Variants in UHMK1 observed in about 807,000 individuals in gnomAD.
UHMK1 encodes the protein serine/threonine-protein kinase Kist.
UHMK1 carries 18 observed loss-of-function variants against 44.0 expected under a neutral mutation model. The ratio of observed to expected loss-of-function variants is 0.41; its 90% CI spans 0.28 to 0.61. The LOEUF (loss-of-function observed/expected upper bound fraction) is 0.61, where lower values mean the gene tolerates loss of function less well. UHMK1 is among the 20% of genes least tolerant of loss of function. The pLI is 0.31. For synonymous variants in UHMK1, 231 were observed against 198.5 expected, an observed-to-expected ratio of 1.16 and a Z score of -1.38; for missense variants, 463 against 522.5, an observed-to-expected ratio of 0.89 and a Z score of 1.11.
rs1422648548 is a variant in UHMK1 at position 162,524,370 on chromosome 1, C to T, written c.*1820C>T. 6.6e-6 allele frequency: 1 copy of T among 152,174 alleles called. No individual in the cohort carries two copies. Among genetic ancestry groups the T allele is most frequent in the African/African-American group, 2.4e-5 (1 of 41,440 alleles). 9.4% of individuals were successfully genotyped at this position (152,174 alleles called of 1,614,324 possible). Reference sequence around the variant, plus strand: ...TTACCAAAGGGTCTTGTGGCATGTTCCCCAATACATGCCCTTAGAAGGAAG... The same window carrying T: ...TTACCAAAGGGTCTTGTGGCATGTTTCCCAATACATGCCCTTAGAAGGAAG... On this transcript the variant is annotated 3_prime_UTR_variant, in exon 8 of 8. Coordinates refer to ENST00000489294, the MANE Select transcript of UHMK1 (RefSeq NM_175866.5).
intron 6 of UHMK1, among the ~76,000 whole-genome samples, chr1:162,513,280 C>T (rs1326102408): frequency 1.3e-5 from 2 of 152,144 alleles, no homozygotes; most frequent in East Asian, 1.9e-4. Flanking sequence ...GACTCTTTTA[C>T]GTTTCATCTT....
chr1:162,522,048 A>G (rs1430229602), intron 7 of UHMK1, among the ~76,000 whole-genome samples: 1 of 124,238 alleles, frequency 8.0e-6, no homozygotes, highest in East Asian at 2.2e-4. Flanking sequence ...TGTCTGAGCT[A>G]TTCAGCCGTA....
At chr1:162,514,197 G>A (rs1651760700) in intron 6 of UHMK1, among the ~76,000 whole-genome samples, 1 of 151,888 alleles carries the variant, frequency 6.6e-6, no homozygotes, top group Non-Finnish European at 1.5e-5. Flanking sequence ...GCTGAGGTGG[G>A]ATAATCACTT....
intron 7 of UHMK1, among the ~76,000 whole-genome samples, chr1:162,518,393 A>AT (rs869158211): frequency 3.1e-3 from 459 of 147,110 alleles, no homozygotes; most frequent in Non-Finnish European, 5.0e-3. Flanking sequence ...AGCACTTAAA[A>AT]TTTTTTTTTT....
At position 162,519,003 on chromosome 1, in the gene UHMK1, C is replaced by A. The variant is rs202064983; in HGVS notation, c.1113+813C>A. Among the ~76,000 whole-genome samples, 195 of 69,366 alleles carry A rather than the reference C, an allele frequency of 2.8e-3. 1 individual carries two copies. The highest frequency in any genetic ancestry group is 3.9e-3 in the Non-Finnish European group (91 of 23,266). The allele number at this position is 69,366 out of a possible 152,430, so 45.5% of individuals were successfully genotyped here. ...GACTCCATCTCAAAAAAAAAAAAAACTACTTTTGAGCCACTGTAAACAGTA... is the reference window on the plus strand; with the variant it reads ...GACTCCATCTCAAAAAAAAAAAAAAATACTTTTGAGCCACTGTAAACAGTA... On this transcript the variant is annotated intron_variant, in intron 7 of 7. Coordinates refer to ENST00000489294, the MANE Select transcript of UHMK1 (RefSeq NM_175866.5).
chr1:162,504,797 CAG>C (rs1367917382), intron 4 of UHMK1, among the ~76,000 whole-genome samples: 1 of 151,988 alleles, frequency 6.6e-6, no homozygotes, highest in African/African-American at 2.4e-5. Context: ...TTTTTTGAGA[CAG>C]AGTCACACTC....
chr1:162,522,383 T>G (rs773427455), intron 7 of UHMK1, 21 bp from the exon 8 acceptor site: 1 of 1,613,426 alleles, frequency 6.2e-7, no homozygotes, highest in Non-Finnish European at 8.5e-7. Context: ...ATGAAATGTT[T>G]TTTTCTCTGT....
At chr1:162,518,049 G>T in intron 6 of UHMK1, 53 bp from the exon 7 acceptor site, 1 of 1,292,740 alleles carries the variant, frequency 7.7e-7, no homozygotes, top group South Asian at 1.2e-5. Context: ...TTAAAATGTT[G>T]AATACTTGTT....
At chr1:162,502,889 G>C (rs1283946143) in intron 3 of UHMK1, among the ~76,000 whole-genome samples, 1 of 152,134 alleles carries the variant, frequency 6.6e-6, no homozygotes, top group East Asian at 1.9e-4. Flanking sequence ...ATAAAGAAAT[G>C]ATACTTTTAG....
chr1:162,517,361 A>G (rs1243676466), intron 6 of UHMK1, among the ~76,000 whole-genome samples: 1 of 152,194 alleles, frequency 6.6e-6, no homozygotes, highest in African/African-American at 2.4e-5. Flanking sequence ...GGGGTTATCT[A>G]TTGCAGTACT....
At chr1:162,515,705 T>A (rs1207657445) in intron 6 of UHMK1, among the ~76,000 whole-genome samples, 1 of 152,188 alleles carries the variant, frequency 6.6e-6, no homozygotes, top group Non-Finnish European at 1.5e-5. Context: ...CTTCATCACC[T>A]CATTCTGTCT....
At position 162,529,593 on chromosome 1, in the gene UHMK1, TA is replaced by T. The variant is rs1652373165; in HGVS notation, c.*7047del. On this transcript the variant is annotated 3_prime_UTR_variant, in exon 8 of 8. Transcript: ENST00000489294. Reference sequence around the variant, plus strand: ...TGTGTGTTTGATAAGAGTGATAAAATAAAAGCTTAAAAATAAAGGAGTTGCT... The same window carrying T: ...TGTGTGTTTGATAAGAGTGATAAAATAAAGCTTAAAAATAAAGGAGTTGCT... 1 of 152,148 alleles carries T rather than the reference TA, an allele frequency of 6.6e-6. No individual in the cohort carries two copies. The highest frequency in any genetic ancestry group is 1.5e-5 in the Non-Finnish European group (1 of 68,004). 9.4% of individuals were successfully genotyped at this position (152,148 alleles called of 1,614,324 possible).
chr1:162,508,773 G>GTT (rs35239541), intron 4 of UHMK1, among the ~76,000 whole-genome samples: 1 of 147,324 alleles, frequency 6.8e-6, no homozygotes. Context: ...TCATTTTGCA[G>GTT]TTTTTTTTTT....
chr1:162,497,332 G>C (rs1651083462), upstream of UHMK1: 1 of 700,268 alleles, frequency 1.4e-6, no homozygotes, highest in Non-Finnish European at 2.6e-6. Context: ...TCCCGTCATG[G>C]ACTGAACCAG....
chr1:162,509,632 A>G (rs1482574509), intron 4 of UHMK1, among the ~76,000 whole-genome samples: 2 of 152,070 alleles, frequency 1.3e-5, no homozygotes, highest in African/African-American at 4.8e-5. Flanking sequence ...GTTTGGCACT[A>G]TAGGTTTTTT....
Position 162,500,203 on chromosome 1 carries a change from T to G in UHMK1, c.517T>G (p.Phe173Val). The part of the protein sequence containing the change: ...NILWSAENEC[F>V]KLIDFGLSFK... The stretch of plus-strand genomic sequence containing the variant: ...ATTGTGGAGTGCAGAGAATGAATGT[T>G]TTAAACTCATTGACTTTGGACTTAG... Residue 173 changes from phenylalanine to valine, a missense_variant, in exon 2 of 8, where the codon TTT (phenylalanine) becomes GTT (valine). Around this residue, in one of 3 missense-constraint regions of UHMK1, gnomAD observed 264 missense variants for 326.3 expected, o/e 0.81. Transcript: ENST00000489294. The G allele has an allele frequency of 6.2e-7, 1 of 1,613,960 alleles. No homozygotes were observed. The highest frequency in any genetic ancestry group is 1.1e-5 in the South Asian group (1 of 91,074).
chr1:162,498,056 T>G lies in UHMK1; in HGVS notation c.56T>G (p.Phe19Cys). Residue 19 changes from phenylalanine to cysteine, a missense_variant, in exon 1 of 8, where the codon TTC (phenylalanine) becomes TGC (cysteine). Physicochemically the swap from Phe to Cys is radical, Grantham distance 205 (BLOSUM62 -2). Coordinates refer to ENST00000489294, the MANE Select transcript of UHMK1 (RefSeq NM_175866.5). ...GAGCCGCCGCGTTTTCTGGAGGCCT[T>G]CGGGCGGCTGTGGCAGGTACAGAGC... ...GAEPPRFLEAFGRLWQVQSRL... is the reference protein window; with the variant it reads ...GAEPPRFLEACGRLWQVQSRL... 1.2e-6 allele frequency: 2 copies of G among 1,604,866 alleles called. No individual in the cohort carries two copies. Among genetic ancestry groups the G allele is most frequent in the Non-Finnish European group, 1.7e-6 (2 of 1,174,842 alleles).
Position 162,528,581 on chromosome 1 carries a change from C to T in UHMK1, c.*6031C>T, listed in dbSNP as rs1270909271. 2 of 151,994 alleles carry T rather than the reference C, an allele frequency of 1.3e-5. No individual in the cohort carries two copies. The highest frequency in any genetic ancestry group is 4.8e-5 in the African/African-American group (2 of 41,410). The allele number at this position is 151,994 out of a possible 1,614,324, so 9.4% of individuals were successfully genotyped here. On this transcript the variant is annotated 3_prime_UTR_variant, in exon 8 of 8. Coordinates refer to ENST00000489294, the MANE Select transcript of UHMK1 (RefSeq NM_175866.5). ...GGAGGTTAGCCATCTCCATTATTTC[C>T]TTTTGCACATTGGGTACAGTGGGTG... is the stretch of plus-strand genomic sequence containing the variant.
chr1:162,511,359 A>T (rs1358403271), intron 4 of UHMK1, among the ~76,000 whole-genome samples: 1 of 150,066 alleles, frequency 6.7e-6, no homozygotes, highest in Admixed American at 6.6e-5. Flanking sequence ...TAGAGAGAGG[A>T]TCTTGCCATG....
Sources: gnomAD v4.1 joint callset for allele counts (sites outside exome capture counted in the v4.1 genomes callset) on GRCh38, gnomAD v4.1.1 for gene constraint, gnomAD v4.1.1 regional missense constraint, MANE v1.5 for transcripts, NCBI Gene and HGNC (gene_info 2026-07-23, HGNC 2026-07-21) for gene names.